The following CEP85L variants were observed in gnomAD, a reference collection of about 807,000 sequenced individuals.
CEP85L encodes the protein centrosomal protein 85L, also known as centrosomal protein of 85 kDa-like.
CEP85L carries 60 observed loss-of-function variants against 100.3 expected under a neutral mutation model. That is an observed-to-expected ratio of 0.60 (90% CI 0.49 to 0.74). CEP85L has a LOEUF of 0.74. Among genes scored for constraint, CEP85L ranks in the 30% least tolerant of loss-of-function variants. CEP85L has a pLI of 0.00. For synonymous variants in CEP85L, 319 were observed against 322.7 expected, an observed-to-expected ratio of 0.99 and a Z score of 0.12; for missense variants, 973 against 936.2, an observed-to-expected ratio of 1.04 and a Z score of -0.51.
At chr6:118,491,524 T>C (rs1484958856) in intron 6 of CEP85L, 162 bp downstream of exon 6, 2 of 1,376,590 alleles carry the variant, frequency 1.5e-6, no homozygotes, top group South Asian at 3.8e-5. Flanking sequence ...CTTGGATTTC[T>C]GCAGACAGCA....
intron 2 of CEP85L, among the ~76,000 whole-genome samples, chr6:118,605,602 G>T (rs967096295): frequency 5.3e-5 from 8 of 152,180 alleles, no homozygotes; most frequent in Admixed American, 2.0e-4. Context: ...AATTCCTGGG[G>T]TTTCATGAGG....
In CEP85L at chr6:118,645,232, T is replaced by C. The variant is rs551080424; in HGVS notation, c.73+5965A>G. Among the ~76,000 whole-genome samples the C allele has an allele frequency of 4.6e-5, 7 of 152,318 alleles. No homozygotes were observed. The South Asian group carries it at 1.4e-3, about 32-fold the overall frequency. On this transcript the variant is annotated intron_variant, in intron 1 of 12. Transcript: ENST00000368491. ...CTTCTTCTCATCATTCAGGTAACAA[T>C]GTTACCTCCTCAGAGGCCTCCCTGA... is the stretch of plus-strand genomic sequence containing the variant.
chr6:118,517,804 G>A (rs1776370597), intron 4 of CEP85L, among the ~76,000 whole-genome samples: 2 of 152,148 alleles, frequency 1.3e-5, no homozygotes, highest in Non-Finnish European at 1.5e-5. Flanking sequence ...GGGCATCCTT[G>A]TCTTGTGCCA....
In CEP85L at chr6:118,476,576, T is replaced by C. The variant is rs570530261; in HGVS notation, c.1914+3295A>G. On this transcript the variant is annotated intron_variant, in intron 10 of 12. Coordinates refer to ENST00000368491, the MANE Select transcript of CEP85L (RefSeq NM_001042475.3). ...ACCTATAAGATATTCCATTGACTTA[T>C]GATCCATTTTCCCACTATTTCTACT... is the stretch of plus-strand genomic sequence containing the variant. Among the ~76,000 whole-genome samples the C allele has an allele frequency of 5.3e-5, 8 of 152,332 alleles. No homozygotes were observed. The South Asian group carries it at 1.5e-3, about 28-fold the overall frequency.
At chr6:118,647,567 G>A (rs1430223386) in intron 1 of CEP85L, among the ~76,000 whole-genome samples, 2 of 152,144 alleles carry the variant, frequency 1.3e-5, no homozygotes, top group Non-Finnish European at 1.5e-5. Flanking sequence ...TCACCGCGTT[G>A]GCCAGGCTGG....
intron 1 of CEP85L, among the ~76,000 whole-genome samples, chr6:118,668,136 G>A (rs899121003): frequency 3.9e-5 from 6 of 152,182 alleles, no homozygotes; most frequent in Non-Finnish European, 7.3e-5. Flanking sequence ...GGAAGACAGA[G>A]CTCTAACCAT....
intron 1 of CEP85L, among the ~76,000 whole-genome samples, chr6:118,661,309 T>C (rs1775966271): frequency 6.6e-6 from 1 of 152,248 alleles, no homozygotes; most frequent in Admixed American, 6.5e-5. Flanking sequence ...TTGGTATTTA[T>C]ACATGTGTCC....
At chr6:118,624,121 C>T (rs1013061293) in intron 2 of CEP85L, among the ~76,000 whole-genome samples, 7 of 152,106 alleles carry the variant, frequency 4.6e-5, no homozygotes, top group Non-Finnish European at 8.8e-5. Flanking sequence ...TCTCCTATTT[C>T]GGAAGGAAGC....
chr6:118,494,583 G>A (rs934550340), intron 5 of CEP85L, among the ~76,000 whole-genome samples: 8 of 152,150 alleles, frequency 5.3e-5, no homozygotes, highest in South Asian at 2.1e-4. Context: ...ATCCTGTCCC[G>A]CCTAAGGGTG....
chr6:118,566,267 C>T lies in CEP85L; in HGVS notation c.282G>A (p.Leu94=). 2.5e-6 allele frequency: 4 copies of T among 1,613,904 alleles called. No homozygotes were observed. Among genetic ancestry groups the T allele is most frequent in the Non-Finnish European group, 3.4e-6 (4 of 1,179,946 alleles). Residue 94 remains leucine (L), a synonymous_variant, in exon 3 of 13, where the codon TTG becomes TTA. Transcript: ENST00000368491. ...GTLSFKPSQS[L]ITLPTAHVMP... Reference sequence around the variant, plus strand: ...TCACATGGGCAGTAGGAAGAGTAATCAATGATTGACTAGGCTTAAAAGATA... The same window carrying T: ...TCACATGGGCAGTAGGAAGAGTAATTAATGATTGACTAGGCTTAAAAGATA...
upstream of CEP85L, chr6:118,652,695 C>G (rs1271171120): frequency 1.3e-6 from 2 of 1,536,370 alleles, no homozygotes; most frequent in East Asian, 4.9e-5. Flanking sequence ...TGTTCTATCA[C>G]TTACCACATC....
chr6:118,523,962 A>G (rs745868665), intron 3 of CEP85L, 42 bp from the exon 4 acceptor site: 8 of 792,532 alleles, frequency 1.0e-5, no homozygotes, highest in South Asian at 9.1e-5. Flanking sequence ...TAAAATATTT[A>G]AAGAAAATAT....
intron 4 of CEP85L, among the ~76,000 whole-genome samples, chr6:118,519,538 A>ACG (rs1491177574): frequency 3.7e-5 from 1 of 27,286 alleles, no homozygotes; most frequent in Non-Finnish European, 6.1e-5. Flanking sequence ...AACTCCGTGT[A>ACG]CGTGTGTGTG....
In CEP85L at chr6:118,565,696, C is replaced by A. The variant is rs1309239432; in HGVS notation, c.853G>T (p.Val285Leu). Reference sequence around the variant, plus strand: ...GAAGGCTGAATGGGAACTCCACCTACTGCCTGTTGACCAAGCATTAAATAT... The same window carrying A: ...GAAGGCTGAATGGGAACTCCACCTAATGCCTGTTGACCAAGCATTAAATAT... ...PKYLMLGQQAVGGVPIQPSVR... is the reference protein window; with the variant it reads ...PKYLMLGQQALGGVPIQPSVR... Residue 285 changes from valine to leucine, a missense_variant, in exon 3 of 13, where the codon GTA becomes TTA. By Grantham distance (32) the Val-to-Leu change is conservative. Around this residue, in one of 3 missense-constraint regions of CEP85L, gnomAD observed 890 missense variants for 844.5 expected, o/e 1.05. Coordinates refer to ENST00000368491, the MANE Select transcript of CEP85L (RefSeq NM_001042475.3). The A allele has an allele frequency of 1.9e-6, 3 of 1,614,214 alleles. No homozygotes were observed. Among genetic ancestry groups the A allele is most frequent in the Admixed American group, 1.7e-5 (1 of 60,030 alleles).
chr6:118,703,321 A>AGGATTTGGTT (rs1777486400), intron 1 of CEP85L, among the ~76,000 whole-genome samples: 2 of 152,148 alleles, frequency 1.3e-5, no homozygotes, highest in African/African-American at 4.8e-5. Flanking sequence ...TGATATACCA[A>AGGATTTGGTT]CCCTTTCATA....
chr6:118,636,502 T>A (rs1454198020), intron 1 of CEP85L, among the ~76,000 whole-genome samples: 2 of 152,236 alleles, frequency 1.3e-5, no homozygotes, highest in African/African-American at 2.4e-5. Flanking sequence ...TAATTTTACA[T>A]GACAACTTGA....
At chr6:118,649,589 A>T (rs1775413695) in intron 1 of CEP85L, among the ~76,000 whole-genome samples, 1 of 152,196 alleles carries the variant, frequency 6.6e-6, no homozygotes, top group South Asian at 2.1e-4. Context: ...ACATTTTCAG[A>T]TAAACTGAAA....
In CEP85L at chr6:118,643,516, T is replaced by A. The variant is rs149127853; in HGVS notation, c.73+7681A>T. Among the ~76,000 whole-genome samples the A allele has an allele frequency of 1.6e-3, 243 of 152,154 alleles. 1 individual carries two copies. The highest frequency in any genetic ancestry group is 0.01 in the Middle Eastern group (3 of 294). ...TACTAAAAACTATTTTCAAAACGAGTATCAATAAAGCAAATAAGTTTCATT... is the reference window on the plus strand; with the variant it reads ...TACTAAAAACTATTTTCAAAACGAGAATCAATAAAGCAAATAAGTTTCATT... On this transcript the variant is annotated intron_variant, in intron 1 of 12. Transcript: ENST00000368491.
intron 2 of CEP85L, among the ~76,000 whole-genome samples, chr6:118,578,324 C>A (rs888600374): frequency 6.6e-6 from 1 of 152,210 alleles, no homozygotes; most frequent in Non-Finnish European, 1.5e-5. Flanking sequence ...TAGCAAACTG[C>A]GTGTTCACCA....
Sources: allele counts gnomAD v4.1 joint callset (sites outside exome capture counted in the v4.1 genomes callset), GRCh38; gene constraint gnomAD v4.1.1; regional missense constraint gnomAD v4.1.1; transcripts MANE v1.5; gene names NCBI Gene and HGNC (gene_info 2026-07-23, HGNC 2026-07-21).